The following DHRS7B variants were observed in gnomAD, a reference collection of about 807,000 sequenced individuals.
DHRS7B encodes the protein dehydrogenase/reductase 7B.
A neutral mutation model predicts 26.4 loss-of-function variants in DHRS7B; 24 were observed. The observed-to-expected ratio is 0.91, with a 90% CI of 0.66 to 1.28. DHRS7B has a LOEUF of 1.28. DHRS7B is among the 50% of genes most tolerant of loss of function. DHRS7B has a pLI of 0.00. For missense variants in DHRS7B, 368 were observed against 419.4 expected (o/e 0.88, Z 1.07); for synonymous variants, 142 against 166.4 (o/e 0.85, Z 1.13).
chr17:21,141,640 A>AAAAAAAAGG, intron 1 of DHRS7B, among the ~76,000 whole-genome samples: 3 of 90,078 alleles, frequency 3.3e-5, no homozygotes, highest in Non-Finnish European at 6.2e-5. Context: ...AAAAAAAAAA[A>AAAAAAAAGG]CAACCTCATC....
rs571566510 is a variant in DHRS7B at position 21,179,472 on chromosome 17, T to C, written c.309+1130T>C. 7.9e-5 allele frequency among the ~76,000 whole-genome samples: 12 copies of C among 152,224 alleles called. 1 individual carries two copies. The South Asian group carries it at 2.5e-3, about 32-fold the overall frequency. On this transcript the variant is annotated intron_variant, in intron 3 of 6. Coordinates refer to ENST00000395511, the MANE Select transcript of DHRS7B (RefSeq NM_015510.5). Reference sequence around the variant, plus strand: ...AAACTTAGCTGGGTGTGGTGGTGCATGCCCGTAGTCCCAACTACTCAGAAG... The same window carrying C: ...AAACTTAGCTGGGTGTGGTGGTGCACGCCCGTAGTCCCAACTACTCAGAAG...
chr17:21,150,147 A>T (rs1973737834), intron 1 of DHRS7B, among the ~76,000 whole-genome samples: 1 of 150,010 alleles, frequency 6.7e-6, no homozygotes, highest in Admixed American at 6.7e-5. Flanking sequence ...GGCATAGAGT[A>T]TCTGAATGGA....
intron 2 of DHRS7B, chr17:21,172,547 A>C (rs1259921128): frequency 8.3e-6 from 3 of 360,934 alleles, no homozygotes; most frequent in Non-Finnish European, 1.6e-5. Flanking sequence ...CCCAATTTCC[A>C]AATATGGACA....
At chr17:21,162,341 A>G (rs1974017674) in intron 1 of DHRS7B, among the ~76,000 whole-genome samples, 1 of 152,210 alleles carries the variant, frequency 6.6e-6, no homozygotes, top group East Asian at 1.9e-4. Flanking sequence ...CAACTGGCAA[A>G]TAGTTAAAAT....
chr17:21,141,005 G>T (rs930680257), intron 1 of DHRS7B, among the ~76,000 whole-genome samples: 1 of 152,050 alleles, frequency 6.6e-6, no homozygotes, highest in African/African-American at 2.4e-5. Context: ...GCACTGAGTC[G>T]CTTCCACCCT....
chr17:21,152,950 G>T (rs180797064), intron 1 of DHRS7B, among the ~76,000 whole-genome samples: 2 of 152,194 alleles, frequency 1.3e-5, no homozygotes, highest in East Asian at 3.9e-4. Flanking sequence ...GTTACTAAAG[G>T]CCTGTTTGCC....
rs959836590 is a variant in DHRS7B at position 21,166,085 on chromosome 17, CAT to C, written c.21-5930_21-5929del. On this transcript the variant is annotated intron_variant, in intron 1 of 6. Transcript: ENST00000395511. ...CATTGTCACCGCACTCCTGTGCCAT[CAT>C]ATTACAGGGCCCGGGGCTGGGCTTT... is the stretch of plus-strand genomic sequence containing the variant. 3 of 920,470 alleles carry C rather than the reference CAT, an allele frequency of 3.3e-6. No individual in the cohort carries two copies. The African/African-American group carries it at 5.4e-5, about 16-fold the overall frequency. 57.0% of individuals were successfully genotyped at this position (920,470 alleles called of 1,614,324 possible). A position where few individuals can be genotyped will look rare whatever the true frequency, so the allele number is the denominator to read the frequency against.
At chr17:21,129,720 A>AAAG (rs57645482) in intron 1 of DHRS7B, among the ~76,000 whole-genome samples, 63 of 145,022 alleles carry the variant, frequency 4.3e-4, no homozygotes, top group Admixed American at 1.3e-3. Context: ...AAAAAAAAAA[A>AAAG]AAAAGAAAAA....
intron 2 of DHRS7B, 78 bp from the exon 3 acceptor site, chr17:21,178,155 A>G (rs1338651732): frequency 2.8e-6 from 4 of 1,409,242 alleles, no homozygotes; most frequent in Non-Finnish European, 4.0e-6. Context: ...GTGAAGCAGC[A>G]AACAGCAACG....
At chr17:21,134,698 A>G (rs1333599413) in intron 1 of DHRS7B, among the ~76,000 whole-genome samples, 5 of 151,908 alleles carry the variant, frequency 3.3e-5, no homozygotes, top group Admixed American at 2.0e-4. Flanking sequence ...GTATTGCCAT[A>G]AGAATACTCA....
intron 3 of DHRS7B, among the ~76,000 whole-genome samples, chr17:21,182,512 G>A (rs1386522250): frequency 6.6e-6 from 1 of 152,054 alleles, no homozygotes. Context: ...GCCTCCCAAA[G>A]TGCTAGGATT....
intron 1 of DHRS7B, among the ~76,000 whole-genome samples, chr17:21,151,540 C>G (rs1973772443): frequency 1.3e-5 from 2 of 149,944 alleles, no homozygotes; most frequent in South Asian, 4.2e-4. Context: ...GAAGTTGCCA[C>G]TTGTTCCTAA....
At chr17:21,137,874 A>ATATTTCTG (rs1973383269) in intron 1 of DHRS7B, among the ~76,000 whole-genome samples, 1 of 151,058 alleles carries the variant, frequency 6.6e-6, no homozygotes, top group African/African-American at 2.4e-5. Context: ...CTGGGATTAC[A>ATATTTCTG]GCCACCGCAC....
rs114054023 is a variant in DHRS7B, at chr17:21,158,380, A to G, written c.21-13638A>G. Among the ~76,000 whole-genome samples, 974 of 152,358 alleles carry G rather than the reference A, an allele frequency of 6.4e-3. 9 individuals carry two copies. Among genetic ancestry groups the G allele is most frequent in the African/African-American group, 0.021 (864 of 41,580 alleles). Reference sequence around the variant, plus strand: ...GTTCACAGATGGCAATCATTTATGTAAAAACTCTGAAAGAATAAGAAACTA... The same window carrying G: ...GTTCACAGATGGCAATCATTTATGTGAAAACTCTGAAAGAATAAGAAACTA... On this transcript the variant is annotated intron_variant, in intron 1 of 6. Coordinates refer to ENST00000395511, the MANE Select transcript of DHRS7B (RefSeq NM_015510.5).
At chr17:21,169,550 C>T (rs2144107243) in intron 1 of DHRS7B, among the ~76,000 whole-genome samples, 1 of 152,274 alleles carries the variant, frequency 6.6e-6, no homozygotes, top group East Asian at 1.9e-4. Context: ...CAGGGTGTCA[C>T]CCAAGCCAGG....
chr17:21,169,444 C>T (rs749810158), intron 1 of DHRS7B, among the ~76,000 whole-genome samples: 4 of 152,052 alleles, frequency 2.6e-5, no homozygotes, highest in Non-Finnish European at 5.9e-5. Context: ...CATAACAAAC[C>T]CAGGAGGGAG....
At chr17:21,157,067 C>CAAT (rs1029212855) in intron 1 of DHRS7B, among the ~76,000 whole-genome samples, 1 of 152,062 alleles carries the variant, frequency 6.6e-6, no homozygotes, top group African/African-American at 2.4e-5. Flanking sequence ...GAAATGGAAT[C>CAAT]AATAATAATA....
rs1449609485 is a variant in DHRS7B at position 21,138,099 on chromosome 17, T to TACACACACAC, written c.20+11109_20+11110insCACACACACA. On this transcript the variant is annotated intron_variant, in intron 1 of 6. Coordinates refer to ENST00000395511, the MANE Select transcript of DHRS7B (RefSeq NM_015510.5). ...AAATATATATATATATATATATATA[T>TACACACACAC]ATACACACACACACACACACACACA... 3.3e-3 allele frequency among the ~76,000 whole-genome samples: 290 copies of TACACACACAC among 87,630 alleles called. 1 individual carries two copies. The highest frequency in any genetic ancestry group is 7.2e-3 in the Middle Eastern group (1 of 138). 57.5% of individuals were successfully genotyped at this position (87,630 alleles called of 152,430 possible).
Position 21,146,383 on chromosome 17 carries a change from G to A in DHRS7B, c.20+19392G>A, listed in dbSNP as rs553163561. On this transcript the variant is annotated intron_variant, in intron 1 of 6. Coordinates refer to ENST00000395511, the MANE Select transcript of DHRS7B (RefSeq NM_015510.5). ...ACTACTGCACTCCAGCCTGGGTGACGGAGTGAGACCTTGTCTCAGAAAACA... is the reference window on the plus strand; with the variant it reads ...ACTACTGCACTCCAGCCTGGGTGACAGAGTGAGACCTTGTCTCAGAAAACA... 1.2e-4 allele frequency among the ~76,000 whole-genome samples: 18 copies of A among 152,274 alleles called. No homozygotes were observed. In the South Asian group the frequency reaches 3.1e-3, roughly 26 times the overall value.
Sources: allele counts gnomAD v4.1 joint callset (sites outside exome capture counted in the v4.1 genomes callset), GRCh38; gene constraint gnomAD v4.1.1; transcripts MANE v1.5; gene names NCBI Gene and HGNC (gene_info 2026-07-23, HGNC 2026-07-21).